TPO: variants seen among roughly 807,000 people sequenced by gnomAD.
TPO encodes the protein thyroid microsomal antigen.
Under a neutral mutation model 96.9 loss-of-function variants are expected in TPO, and 78 were observed. The ratio of observed to expected loss-of-function variants is 0.81; its 90% confidence interval spans 0.67 to 0.97. The LOEUF (loss-of-function observed/expected upper bound fraction) is 0.97, where lower values mean the gene tolerates loss of function less well. Ranked by LOEUF, TPO falls within the 50% of genes least tolerant of loss-of-function variation. The pLI is 0.00. For missense variants in TPO, 1,252 were observed against 1,274.8 expected (o/e 0.98, Z 0.27); for synonymous variants, 547 against 538.0 (o/e 1.02, Z -0.23).
rs145518914 is a variant in TPO, at chr2:1,455,207, C to T, written c.613-869C>T. On this transcript the variant is annotated intron_variant, in intron 6 of 16. Coordinates refer to ENST00000329066, the MANE Select transcript of TPO (RefSeq NM_001206744.2). ...ATTGGACACTCGTGGAGACCCAGGA[C>T]AACCTTCCCATCTCAAGGCCCTTAA... is the stretch of plus-strand genomic sequence containing the variant. Among the ~76,000 whole-genome samples the T allele has an allele frequency of 5.8e-4, 88 of 152,306 alleles. 1 individual carries two copies. In the East Asian group the frequency reaches 0.016, roughly 28 times the overall value.
At chr2:1,498,161 T>C (rs1672542665) in intron 13 of TPO, among the ~76,000 whole-genome samples, 1 of 152,198 alleles carries the variant, frequency 6.6e-6, no homozygotes, top group African/African-American at 2.4e-5. Context: ...ATTTTGAAAG[T>C]CCAAAATGTT....
chr2:1,487,003 C>T (rs1290937711), intron 9 of TPO, among the ~76,000 whole-genome samples: 2 of 152,226 alleles, frequency 1.3e-5, no homozygotes, highest in East Asian at 3.9e-4. Flanking sequence ...TAAGGCCAAA[C>T]CGATCCTTTA....
Position 1,478,834 on chromosome 2 carries a change from T to C in TPO, c.1338+1230T>C, listed in dbSNP as rs143904437. ...CAGGAAACACGGCAGACGGGCTCACTGTCCTAACACGCATCCACACAGCAA... is the reference window on the plus strand; with the variant it reads ...CAGGAAACACGGCAGACGGGCTCACCGTCCTAACACGCATCCACACAGCAA... On this transcript the variant is annotated intron_variant, in intron 8 of 16. Transcript: ENST00000329066. Among the ~76,000 whole-genome samples the C allele has an allele frequency of 1.4e-4, 21 of 150,258 alleles. 1 individual carries two copies. Among genetic ancestry groups the C allele is most frequent in the African/African-American group, 5.2e-4 (21 of 40,008 alleles).
intron 16 of TPO, 189 bp from the exon 17 acceptor site, chr2:1,542,232 C>CAA: frequency 1.3e-6 from 1 of 766,148 alleles, no homozygotes; most frequent in East Asian, 2.7e-5. Context: ...TGGCCTCCTG[C>CAA]AAACAAGCAT....
At chr2:1,401,009 C>T (rs1423890112) in intron 1 of TPO, among the ~76,000 whole-genome samples, 1 of 152,168 alleles carries the variant, frequency 6.6e-6, no homozygotes, top group Non-Finnish European at 1.5e-5. Context: ...CCTGTGCTGA[C>T]TTTCCAACCT....
intron 5 of TPO, among the ~76,000 whole-genome samples, chr2:1,440,101 A>G (rs777320327): frequency 6.6e-6 from 1 of 151,402 alleles, no homozygotes; most frequent in African/African-American, 2.4e-5. Context: ...CTGCGTTTCC[A>G]CTGTGCTGCG....
intron 14 of TPO, among the ~76,000 whole-genome samples, chr2:1,507,784 GC>G (rs1357762786): frequency 6.6e-6 from 1 of 151,610 alleles, no homozygotes; most frequent in Admixed American, 6.6e-5. Context: ...GAGATTTTGG[GC>G]TGAGATGATG....
In TPO at chr2:1,540,728, G is replaced by C; in HGVS notation, c.2748+5G>C. On this transcript the variant is annotated splice_donor_5th_base_variant and intron_variant, in intron 16 of 16. Transcript: ENST00000329066. ...GCAGCTCAGGACTCGGAGCAGGTGGGCCACACCATGCCGCATGTTTCCAGC... is the reference window on the plus strand; with the variant it reads ...GCAGCTCAGGACTCGGAGCAGGTGGCCCACACCATGCCGCATGTTTCCAGC... 3 of 1,613,254 alleles carry C rather than the reference G, an allele frequency of 1.9e-6. No homozygotes were observed. The highest frequency in any genetic ancestry group is 2.5e-6 in the Non-Finnish European group (3 of 1,180,030).
In TPO at chr2:1,543,064, G is replaced by C. The variant is rs759449248; in HGVS notation, c.*590G>C. ...CATGAGCCTCAGACCCCAGGCTTCT[G>C]CCTCCAGCAGCCGCCCTGCCGCACA... is the stretch of plus-strand genomic sequence containing the variant. On this transcript the variant is annotated 3_prime_UTR_variant, in exon 17 of 17. Coordinates refer to ENST00000329066, the MANE Select transcript of TPO (RefSeq NM_001206744.2). 53 of 176,634 alleles carry C rather than the reference G, an allele frequency of 3.0e-4. No homozygotes were observed. The highest frequency in any genetic ancestry group is 5.1e-4 in the Non-Finnish European group (42 of 82,756). The allele number at this position is 176,634 out of a possible 1,614,324, so 10.9% of individuals were successfully genotyped here.
At chr2:1,437,889 G>A (rs1294637827) in intron 5 of TPO, among the ~76,000 whole-genome samples, 4 of 152,098 alleles carry the variant, frequency 2.6e-5, no homozygotes, top group African/African-American at 7.2e-5. Flanking sequence ...GAGATGGCAT[G>A]TGTCCTGTCC....
chr2:1,504,230 G>A (rs368747182), intron 14 of TPO, 151 bp downstream of exon 14: 42 of 1,397,796 alleles, frequency 3.0e-5, no homozygotes, highest in East Asian at 2.7e-4. Flanking sequence ...CCCGAGGGGC[G>A]TCTGCGCTGT....
upstream of TPO, among the ~76,000 whole-genome samples, chr2:1,411,161 A>G (rs539463426): frequency 1.3e-5 from 2 of 152,098 alleles, no homozygotes; most frequent in East Asian, 3.9e-4. Flanking sequence ...TCCCCTCTCA[A>G]CATTTCCAGT....
chr2:1,406,618 G>A (rs1215819127), intron 1 of TPO, among the ~76,000 whole-genome samples: 1 of 152,240 alleles, frequency 6.6e-6, no homozygotes, highest in Non-Finnish European at 1.5e-5. Context: ...CGGCCTGAGG[G>A]CATCTTCCTC....
chr2:1,433,190 G>A (rs1002067663), intron 3 of TPO, among the ~76,000 whole-genome samples: 15 of 152,058 alleles, frequency 9.9e-5, no homozygotes, highest in African/African-American at 3.6e-4. Flanking sequence ...TTTTGTAAAG[G>A]GCAAGTCTGT....
chr2:1,465,340 C>A (rs1286520248), intron 7 of TPO, among the ~76,000 whole-genome samples: 2 of 152,116 alleles, frequency 1.3e-5, no homozygotes, highest in Middle Eastern at 3.2e-3. Context: ...TGTGATGCCT[C>A]CAGATTTGTT....
At chr2:1,463,846 CTAGGTACATATTACAAAGTGGAGT>C (rs1398786094) in intron 7 of TPO, among the ~76,000 whole-genome samples, 2 of 152,200 alleles carry the variant, frequency 1.3e-5, no homozygotes, top group Non-Finnish European at 2.9e-5. Flanking sequence ...ATGTGTATCT[CTAGGTACATATTACAAAGTGGAGT>C]TAGTGGGTTA....
At position 1,477,454 on chromosome 2, in the gene TPO, C is replaced by T. The variant is rs1189348356; in HGVS notation, c.1188C>T (p.Arg396=). 3 of 1,524,704 alleles carry T rather than the reference C, an allele frequency of 2.0e-6. No individual in the cohort carries two copies. The highest frequency in any genetic ancestry group is 1.8e-6 in the Non-Finnish European group (2 of 1,140,896). 94.4% of individuals were successfully genotyped at this position (1,524,704 alleles called of 1,614,324 possible). A position where few individuals can be genotyped will look rare whatever the true frequency, so the allele number is the denominator to read the frequency against. ...CCTGCTTCCTGGCCGGAGACGGCCG[C>T]GCCAGCGAGGTCCCCTCCCTGACGG... The part of the protein sequence containing the change: ...RGPCFLAGDG[R]ASEVPSLTAL... The change falls in exon 8 of 17, where the codon CGC becomes CGT. Residue 396 remains arginine, a synonymous_variant. Transcript: ENST00000329066.
At chr2:1,516,488 C>T (rs1304495742) in intron 14 of TPO, among the ~76,000 whole-genome samples, 1 of 152,200 alleles carries the variant, frequency 6.6e-6, no homozygotes, top group Non-Finnish European at 1.5e-5. Flanking sequence ...GCCCACCTTG[C>T]GAACCTTTCC....
At chr2:1,404,819 T>C (rs1394997367) in intron 1 of TPO, among the ~76,000 whole-genome samples, 1 of 152,238 alleles carries the variant, frequency 6.6e-6, no homozygotes, top group African/African-American at 2.4e-5. Flanking sequence ...ATTAAATCAT[T>C]CTATTGAATT....
Sources: gnomAD v4.1 joint callset for allele counts (sites outside exome capture counted in the v4.1 genomes callset) on GRCh38, gnomAD v4.1.1 for gene constraint, MANE v1.5 for transcripts, NCBI Gene and HGNC (gene_info 2026-07-23, HGNC 2026-07-21) for gene names.